Variants in CDH9 observed in about 807,000 individuals in gnomAD.
CDH9 encodes the protein cadherin-9.
Under a neutral mutation model 70.9 loss-of-function variants are expected in CDH9, and 28 were observed. The ratio of observed to expected loss-of-function variants is 0.40; its 90% CI spans 0.29 to 0.54. The LOEUF (loss-of-function observed/expected upper bound fraction) is 0.54, where lower values mean the gene tolerates loss of function less well. Among genes scored for constraint, CDH9 ranks in the 20% least tolerant of loss-of-function variants. The probability of loss-of-function intolerance (pLI) is 0.59; values close to 1 mark genes in which losing one functional copy is unlikely to be tolerated. For synonymous variants in CDH9, 409 were observed against 343.1 expected (o/e 1.19, Z -2.12); for missense variants, 874 against 984.4 (o/e 0.89, Z 1.50).
intron 2 of CDH9, among the ~76,000 whole-genome samples, chr5:26,947,921 C>T (rs772668442): frequency 8.5e-5 from 13 of 152,120 alleles, no homozygotes; most frequent in Non-Finnish European, 1.8e-4. Context: ...GGTTGCCTTG[C>T]TCTTTGGCAA....
chr5:26,926,571 C>A (rs1741343582), intron 2 of CDH9, among the ~76,000 whole-genome samples: 1 of 150,216 alleles, frequency 6.7e-6, no homozygotes, highest in South Asian at 2.1e-4. Context: ...TGACTTTCTT[C>A]ACAGAATTGG....
chr5:26,892,472 A>G (rs538272011), intron 7 of CDH9, among the ~76,000 whole-genome samples: 4 of 152,306 alleles, frequency 2.6e-5, no homozygotes, highest in South Asian at 4.1e-4. Context: ...AGTGATTAGA[A>G]TAAGAACGGA....
rs34187711 is a variant in CDH9 at position 26,915,727 on chromosome 5, T to C, written c.426A>G (p.Glu142=). The C allele has an allele frequency of 1.9e-4, 310 of 1,613,400 alleles. 2 individuals are homozygous for C. In the African/African-American group the frequency reaches 3.7e-3, roughly 19 times the overall value. ...CATGTATTTTAATGATAAATTCCGA[T>C]TCCGGTTCCACCTGCCGCCCAGTTT... ...DRKTGRQVEP[E]SEFIIKIHDI... is the part of the protein sequence containing the mutation. Residue 142 remains glutamate (E), a synonymous_variant, in exon 3 of 12, where the codon GAA becomes GAG. Coordinates refer to ENST00000231021, the MANE Select transcript of CDH9 (RefSeq NM_016279.4).
In CDH9 at chr5:26,880,939, T is replaced by A; in HGVS notation, c.*197A>T. 2.2e-6 allele frequency: 1 copy of A among 445,334 alleles called. No homozygotes were observed. 27.6% of individuals were successfully genotyped at this position (445,334 alleles called of 1,614,324 possible). The stretch of plus-strand genomic sequence containing the variant: ...TAGGCAAAGAGGGTGAACTGGTTAT[T>A]ACTTTTTTAAAAATCTGTATCATTC... On this transcript the variant is annotated 3_prime_UTR_variant, in exon 12 of 12. Transcript: ENST00000231021.
chr5:26,895,781 C>A (rs749522360), intron 7 of CDH9, among the ~76,000 whole-genome samples: 3 of 151,982 alleles, frequency 2.0e-5, no homozygotes, highest in Admixed American at 6.6e-5. Flanking sequence ...AGTTCCCAAT[C>A]TTTCCCTGGA....
At chr5:26,991,108 C>G (rs1250953042) in intron 1 of CDH9, among the ~76,000 whole-genome samples, 1 of 152,098 alleles carries the variant, frequency 6.6e-6, no homozygotes, top group Non-Finnish European at 1.5e-5. Context: ...GGTTAGAGGG[C>G]AGGAAAGCGA....
intron 2 of CDH9, among the ~76,000 whole-genome samples, chr5:26,920,597 G>A (rs1741227310): frequency 6.6e-6 from 1 of 152,120 alleles, no homozygotes; most frequent in Non-Finnish European, 1.5e-5. Context: ...GGCCACAGGG[G>A]TGCTTGTGTC....
At chr5:26,998,666 G>A (rs980079582) in intron 1 of CDH9, among the ~76,000 whole-genome samples, 5 of 151,712 alleles carry the variant, frequency 3.3e-5, no homozygotes, top group Non-Finnish European at 1.5e-5. Flanking sequence ...ACCAACATGG[G>A]ACATGTATAC....
chr5:26,938,605 A>G (rs1032689206), intron 2 of CDH9, among the ~76,000 whole-genome samples: 23 of 152,124 alleles, frequency 1.5e-4, no homozygotes, highest in Non-Finnish European at 3.2e-4. Flanking sequence ...CTAACCTAAG[A>G]CAGAGTAAGT....
chr5:26,891,588 G>A (rs1740660823), intron 7 of CDH9, among the ~76,000 whole-genome samples: 1 of 152,130 alleles, frequency 6.6e-6, no homozygotes, highest in Non-Finnish European at 1.5e-5. Context: ...TGAGGCAGGA[G>A]AATCACTTGA....
In CDH9 at chr5:26,987,985, C is replaced by T. The variant is rs181444388; in HGVS notation, c.228+121G>A. Reference sequence around the variant, plus strand: ...CCCACTAAAATAGTTTGCAATATCACACCTTCAGAACATAATTAGTTAAAT... The same window carrying T: ...CCCACTAAAATAGTTTGCAATATCATACCTTCAGAACATAATTAGTTAAAT... On this transcript the variant is annotated intron_variant, in intron 2 of 11. Transcript: ENST00000231021. 4 of 692,704 alleles carry T rather than the reference C, an allele frequency of 5.8e-6. No individual in the cohort carries two copies. In the East Asian group the frequency reaches 1.1e-4, roughly 19 times the overall value. 42.9% of individuals were successfully genotyped at this position (692,704 alleles called of 1,614,324 possible). A position where few individuals can be genotyped will look rare whatever the true frequency, so the allele number is the denominator to read the frequency against.
chr5:26,952,528 G>T (rs1407489265), intron 2 of CDH9, among the ~76,000 whole-genome samples: 1 of 125,798 alleles, frequency 7.9e-6, no homozygotes, highest in East Asian at 2.6e-4. Flanking sequence ...CCAGCTACTC[G>T]AGAAGCTGAG....
intron 2 of CDH9, among the ~76,000 whole-genome samples, chr5:26,963,650 A>C (rs1742077798): frequency 6.6e-6 from 1 of 152,244 alleles, no homozygotes; most frequent in Middle Eastern, 3.4e-3. Flanking sequence ...TTTTCCTAGA[A>C]AAATGAGCAC....
intron 7 of CDH9, 125 bp from the exon 8 acceptor site, chr5:26,890,689 T>G (rs1393124807): frequency 1.5e-6 from 1 of 654,962 alleles, no homozygotes; most frequent in African/African-American, 1.8e-5. Flanking sequence ...TGCTAACAAC[T>G]TTCTTGAATT....
At chr5:26,920,289 A>G (rs1741221751) in intron 2 of CDH9, among the ~76,000 whole-genome samples, 1 of 151,646 alleles carries the variant, frequency 6.6e-6, no homozygotes, top group South Asian at 2.1e-4. Context: ...GCTTGAGGAA[A>G]GGGGAGGGAA....
At chr5:26,998,973 G>A (rs186034795) in intron 1 of CDH9, among the ~76,000 whole-genome samples, 27 of 152,126 alleles carry the variant, frequency 1.8e-4, no homozygotes, top group Admixed American at 6.5e-4. Flanking sequence ...GAGGCCGGGC[G>A]TGGTGGCTCA....
At chr5:27,012,522 AT>A (rs2112116572) in intron 1 of CDH9, among the ~76,000 whole-genome samples, 1 of 152,142 alleles carries the variant, frequency 6.6e-6, no homozygotes, top group East Asian at 1.9e-4. Flanking sequence ...ACCAATGCCA[AT>A]TTAAATGTTA....
chr5:26,908,606 A>G lies in CDH9; in HGVS notation c.524-1768T>C, dbSNP rs562882134. ...TTTTATGTTTATTTGACTCTTTCAA[A>G]TAATATTTTTGTGGAATTTTAATTT... is the stretch of plus-strand genomic sequence containing the variant. On this transcript the variant is annotated intron_variant, in intron 3 of 11. Transcript: ENST00000231021. Among the ~76,000 whole-genome samples the G allele has an allele frequency of 2.0e-5, 3 of 152,298 alleles. No homozygotes were observed. In the South Asian group the frequency reaches 6.2e-4, roughly 32 times the overall value.
chr5:26,985,810 A>G (rs1158783626), intron 2 of CDH9, among the ~76,000 whole-genome samples: 1 of 152,148 alleles, frequency 6.6e-6, no homozygotes, highest in Non-Finnish European at 1.5e-5. Flanking sequence ...CACTGTGGTC[A>G]AAAAGACAAT....
Sources: allele counts gnomAD v4.1 joint callset (sites outside exome capture counted in the v4.1 genomes callset), GRCh38; gene constraint gnomAD v4.1.1; transcripts MANE v1.5; gene names NCBI Gene and HGNC (gene_info 2026-07-23, HGNC 2026-07-21).